Variants in NUP88 observed in about 807,000 individuals in gnomAD.
The protein encoded by NUP88 is nucleoporin 88.
A neutral mutation model predicts 93.9 loss-of-function variants in NUP88; 57 were observed. The observed-to-expected ratio is 0.61, with a 90% CI of 0.49 to 0.76. The LOEUF (loss-of-function observed/expected upper bound fraction) is 0.76. NUP88 is among the 30% of genes least tolerant of loss of function. NUP88 has a pLI of 0.00. For synonymous variants in NUP88, 346 were observed against 336.8 expected, an observed-to-expected ratio of 1.03 and a Z score of -0.30; for missense variants, 911 against 901.0, an observed-to-expected ratio of 1.01 and a Z score of -0.14.
At position 5,385,669 on chromosome 17, in the gene NUP88, G is replaced by C. The variant is rs576801265; in HGVS notation, c.*537C>G. 4 of 231,238 alleles carry C rather than the reference G, an allele frequency of 1.7e-5. No individual in the cohort carries two copies. The highest frequency in any genetic ancestry group is 1.8e-4 in the South Asian group (1 of 5,496). 14.3% of individuals were successfully genotyped at this position (231,238 alleles called of 1,614,324 possible). A position where few individuals can be genotyped will look rare whatever the true frequency, so the allele number is the denominator to read the frequency against. On this transcript the variant is annotated 3_prime_UTR_variant, in exon 17 of 17. Coordinates refer to ENST00000573584, the MANE Select transcript of NUP88 (RefSeq NM_002532.6). ...CTCTGAAAGGTAATACAGCTTGTGA[G>C]GAAGTGAGCCAGCAGTGGCCTTTGC...
At position 5,404,993 on chromosome 17, in the gene NUP88, C is replaced by T. The variant is rs946716253; in HGVS notation, c.1044+64G>A. On this transcript the variant is annotated intron_variant, in intron 6 of 16. Transcript: ENST00000573584. ...AATTCCTTCTCATATATTAAGCATT[C>T]ATATTGGGTCAGGAACTATGCCAGG... is the stretch of plus-strand genomic sequence containing the variant. 6 of 1,336,502 alleles carry T rather than the reference C, an allele frequency of 4.5e-6. No individual in the cohort carries two copies. The African/African-American group carries it at 7.4e-5, about 16-fold the overall frequency. The allele number at this position is 1,336,502 out of a possible 1,614,324, so 82.8% of individuals were successfully genotyped here. A position where few individuals can be genotyped will look rare whatever the true frequency, so the allele number is the denominator to read the frequency against.
In NUP88 at chr17:5,385,434, T is replaced by A. The variant is rs1421339667; in HGVS notation, c.*772A>T. The A allele has an allele frequency of 4.9e-6, 1 of 204,124 alleles. No individual in the cohort carries two copies. Among genetic ancestry groups the A allele is most frequent in the African/African-American group, 2.6e-5 (1 of 38,360 alleles). 12.6% of individuals were successfully genotyped at this position (204,124 alleles called of 1,614,324 possible). Reference sequence around the variant, plus strand: ...GTAACCTACCTTATCATGTGGCTTTTAATTGACAGTCACTCAGCCATTTCT... The same window carrying A: ...GTAACCTACCTTATCATGTGGCTTTAAATTGACAGTCACTCAGCCATTTCT... On this transcript the variant is annotated 3_prime_UTR_variant, in exon 17 of 17. Transcript: ENST00000573584.
rs565590831 is a variant in NUP88, at chr17:5,387,373, A to G, written c.1916+13T>C. 6.2e-6 allele frequency: 10 copies of G among 1,606,750 alleles called. No homozygotes were observed. In the African/African-American group the frequency reaches 1.2e-4, roughly 19 times the overall value. On this transcript the variant is annotated intron_variant, in intron 14 of 16. Coordinates refer to ENST00000573584, the MANE Select transcript of NUP88 (RefSeq NM_002532.6). ...ACCTGACTAGGTAACTAAATGTTATACAGCCCACTGACCTGTTCATGATAT... is the reference window on the plus strand; with the variant it reads ...ACCTGACTAGGTAACTAAATGTTATGCAGCCCACTGACCTGTTCATGATAT...
intron 3 of NUP88, among the ~76,000 whole-genome samples, chr17:5,411,029 A>G (rs1266917418): frequency 6.6e-6 from 1 of 152,138 alleles, no homozygotes; most frequent in African/African-American, 2.4e-5. Context: ...TTAACAGCCT[A>G]TTCCATAACA....
chr17:5,414,203 C>T (rs1216233559), intron 2 of NUP88, 69 bp from the exon 3 acceptor site: 16 of 1,426,750 alleles, frequency 1.1e-5, no homozygotes, highest in African/African-American at 2.9e-5. Flanking sequence ...AAAGGAACTT[C>T]TTTTTTTTGC....
At chr17:5,408,678 T>G in intron 5 of NUP88, 55 bp downstream of exon 5, 2 of 1,347,082 alleles carry the variant, frequency 1.5e-6, no homozygotes, top group East Asian at 2.5e-5. Flanking sequence ...CTCAATGATA[T>G]CTACTGGAGC....
intron 1 of NUP88, among the ~76,000 whole-genome samples, chr17:5,417,508 G>A (rs1025151797): frequency 2.0e-5 from 3 of 151,770 alleles, no homozygotes; most frequent in Admixed American, 1.3e-4. Flanking sequence ...AATGACAAGG[G>A]CAGACCCAGC....
chr17:5,416,182 C>CAAACAT (rs1244873531), intron 2 of NUP88, among the ~76,000 whole-genome samples: 2 of 90,880 alleles, frequency 2.2e-5, no homozygotes, highest in Non-Finnish European at 4.6e-5. Flanking sequence ...TATATATATA[C>CAAACAT]ACACATACAC....
In NUP88 at chr17:5,387,846, C is replaced by T; in HGVS notation, c.1702G>A (p.Ala568Thr). 2 of 1,614,090 alleles carry T rather than the reference C, an allele frequency of 1.2e-6. No homozygotes were observed. The highest frequency in any genetic ancestry group is 1.1e-5 in the South Asian group (1 of 91,068). Residue 568 changes from alanine (A) to threonine (T), a missense_variant, in exon 12 of 17, where the codon GCC becomes ACC. Ala to Thr is a moderately conservative substitution (Grantham distance 58, BLOSUM62 0). Transcript: ENST00000573584. The stretch of plus-strand genomic sequence containing the variant: ...TACTGCTCTCTGAACACCTGGGTGG[C>T]TCTGCTGAGGAGCTGAAGGCATTCT... ...PEECLQLLSR[A>T]TQVFREQYIL...
In NUP88 at chr17:5,390,163, C is replaced by CAAA. The variant is rs34058484; in HGVS notation, c.1485-1206_1485-1204dup. 4.4e-3 allele frequency among the ~76,000 whole-genome samples: 393 copies of CAAA among 89,090 alleles called. 4 individuals carry two copies. The highest frequency in any genetic ancestry group is 0.025 in the South Asian group (82 of 3,224). The allele number at this position is 89,090 out of a possible 152,430, so 58.4% of individuals were successfully genotyped here. On this transcript the variant is annotated intron_variant, in intron 10 of 16. Transcript: ENST00000573584. ...TTGGGCAACACAGCAAACTCCGTCT[C>CAAA]AAAAAAAAAAAAAAAAAATATCCAG...
chr17:5,400,658 C>G (rs1004648212), intron 7 of NUP88, among the ~76,000 whole-genome samples: 1 of 152,150 alleles, frequency 6.6e-6, no homozygotes. Flanking sequence ...AAAATAGCAG[C>G]TCTGTAGAAA....
At chr17:5,409,835 G>A (rs915909058) in intron 4 of NUP88, among the ~76,000 whole-genome samples, 1 of 152,226 alleles carries the variant, frequency 6.6e-6, no homozygotes, top group African/African-American at 2.4e-5. Context: ...GCAAAGATCT[G>A]AAGGAAGTAA....
intron 16 of NUP88, 138 bp from the exon 17 acceptor site, chr17:5,386,407 G>T: frequency 1.4e-6 from 1 of 720,570 alleles, no homozygotes; most frequent in Non-Finnish European, 2.4e-6. Context: ...CAGGTGGATA[G>T]CAATAGTGTT....
rs1310480070 is a variant in NUP88, at chr17:5,386,982, A to G, written c.2043+2T>C. 4 of 1,613,776 alleles carry G rather than the reference A, an allele frequency of 2.5e-6. No individual in the cohort carries two copies. Among genetic ancestry groups the G allele is most frequent in the East Asian group, 2.2e-5 (1 of 44,878 alleles). ...ATTTAGCTAGTTTGGATCTATTCCT[A>G]CCTGTTTGATGGCATTGCCCAAATG... On this transcript the variant is annotated splice_donor_variant, in intron 15 of 16. Coordinates refer to ENST00000573584, the MANE Select transcript of NUP88 (RefSeq NM_002532.6). LOFTEE classifies it high-confidence loss of function.
At chr17:5,406,900 C>T (rs961720219) in intron 5 of NUP88, among the ~76,000 whole-genome samples, 1 of 152,148 alleles carries the variant, frequency 6.6e-6, no homozygotes, top group Admixed American at 6.5e-5. Flanking sequence ...TTGGTGTATA[C>T]TTTCGAAAAA....
At chr17:5,394,836 G>T in intron 9 of NUP88, 55 bp downstream of exon 9, 2 of 1,198,712 alleles carry the variant, frequency 1.7e-6, no homozygotes, top group South Asian at 2.4e-5. Flanking sequence ...AAACGTATCT[G>T]AACTGCTGAA....
chr17:5,397,895 T>G (rs1379139145), intron 8 of NUP88, among the ~76,000 whole-genome samples: 1 of 152,130 alleles, frequency 6.6e-6, no homozygotes, highest in Non-Finnish European at 1.5e-5. Flanking sequence ...ATTCTTTTTT[T>G]TAATTTATTT....
In NUP88 at chr17:5,387,655, A is replaced by G; in HGVS notation, c.1785T>C (p.Cys595=). 1 of 1,612,808 alleles carries G rather than the reference A, an allele frequency of 6.2e-7. No homozygotes were observed. The highest frequency in any genetic ancestry group is 8.5e-7 in the Non-Finnish European group (1 of 1,179,570). ...EEIQRRVKLL[C]DQKKKQLEDL... ...CTTCTAGTTGTTTCTTTTTTTGGTC[A>G]CATAATAATTTGACCCTTTAAAAAC... Residue 595 remains cysteine (C), a synonymous_variant, in exon 13 of 17, where the codon TGT becomes TGC. Transcript: ENST00000573584.
rs548338442 is a variant in NUP88, at chr17:5,391,387, A to T, written c.1484+174T>A. On this transcript the variant is annotated intron_variant, in intron 10 of 16. Transcript: ENST00000573584. Reference sequence around the variant, plus strand: ...ATGCCAGAAACTATACCTACAATGAAACCTTATAGAGATGATGGCAGGAAC... The same window carrying T: ...ATGCCAGAAACTATACCTACAATGATACCTTATAGAGATGATGGCAGGAAC... The T allele has an allele frequency of 4.6e-5, 26 of 561,900 alleles. No individual in the cohort carries two copies. The East Asian group carries it at 7.4e-4, about 16-fold the overall frequency. 34.8% of individuals were successfully genotyped at this position (561,900 alleles called of 1,614,324 possible).
Sources: allele counts gnomAD v4.1 joint callset (sites outside exome capture counted in the v4.1 genomes callset), GRCh38; gene constraint gnomAD v4.1.1; transcripts MANE v1.5; gene names NCBI Gene and HGNC (gene_info 2026-07-23, HGNC 2026-07-21).